SEMA6D: variants seen among roughly 807,000 people sequenced by gnomAD.
SEMA6D encodes the protein semaphorin 6D, also known as semaphorin-6D.
In SEMA6D, 35 loss-of-function variants were observed where a neutral mutation model predicts 106.6. The observed-to-expected ratio is 0.33, with a 90% confidence interval of 0.25 to 0.44. SEMA6D has a LOEUF of 0.44. Among genes scored for constraint, SEMA6D ranks in the 20% least tolerant of loss-of-function variants. SEMA6D has a pLI of 1.00. For missense variants in SEMA6D, 1,185 were observed against 1,345.9 expected, an observed-to-expected ratio of 0.88 and a Z score of 1.87; for synonymous variants, 499 against 487.7, an observed-to-expected ratio of 1.02 and a Z score of -0.31.
intron 1 of SEMA6D, among the ~76,000 whole-genome samples, chr15:47,301,145 C>T (rs1246534050): frequency 6.6e-6 from 1 of 152,216 alleles, no homozygotes; most frequent in Non-Finnish European, 1.5e-5. Flanking sequence ...ATTGCTGTCT[C>T]TTTCTAGGCC....
rs58271041 is a variant in SEMA6D, at chr15:47,254,875, T to TTGTGTGTGTGTGTGTGTGTGTG, written c.-239+70477_-239+70498dup. Among the ~76,000 whole-genome samples the TTGTGTGTGTGTGTGTGTGTGTG allele has an allele frequency of 6.7e-5, 9 of 134,306 alleles. No homozygotes were observed. The South Asian group carries it at 7.6e-4, about 11-fold the overall frequency. 88.1% of individuals were successfully genotyped at this position (134,306 alleles called of 152,430 possible). A position where few individuals can be genotyped will look rare whatever the true frequency, so the allele number is the denominator to read the frequency against. On this transcript the variant is annotated intron_variant, in intron 1 of 19. Coordinates refer to the SEMA6D transcript ENST00000558014. The stretch of plus-strand genomic sequence containing the variant: ...TCATCAGGGATATTGACCTGTGGTT[T>TTGTGTGTGTGTGTGTGTGTGTG]TGTGTGTGTGTGTGTGTGTGTGTGT...
At chr15:47,653,897 C>T (rs144289178) in intron 4 of SEMA6D, among the ~76,000 whole-genome samples, 27 of 152,284 alleles carry the variant, frequency 1.8e-4, no homozygotes, top group African/African-American at 6.5e-4. Flanking sequence ...AATGCAATGC[C>T]TCATTAGTAT....
chr15:47,674,143 C>T (rs1490758947), intron 4 of SEMA6D, among the ~76,000 whole-genome samples: 1 of 152,166 alleles, frequency 6.6e-6, no homozygotes, highest in East Asian at 1.9e-4. Context: ...CCCCAGACCC[C>T]CTTGGGTCTG....
At chr15:47,341,803 T>G (rs623549) in intron 1 of SEMA6D, among the ~76,000 whole-genome samples, 1 of 151,868 alleles carries the variant, frequency 6.6e-6, no homozygotes, top group African/African-American at 2.4e-5. Context: ...CTTTCAGACT[T>G]GTGATATTCC....
chr15:47,764,584 A>G, intron 11 of SEMA6D, 54 bp from the exon 12 acceptor site: 1 of 1,601,936 alleles, frequency 6.2e-7, no homozygotes, highest in Non-Finnish European at 8.5e-7. Context: ...TAGATACAGT[A>G]CATGGTGTGG....
chr15:47,518,303 T>A (rs1467730955), intron 3 of SEMA6D, among the ~76,000 whole-genome samples: 1 of 152,214 alleles, frequency 6.6e-6, no homozygotes, highest in Non-Finnish European at 1.5e-5. Flanking sequence ...ATCTAAGTGG[T>A]GAAATACAGG....
chr15:47,560,793 T>C (rs895614894), intron 3 of SEMA6D, among the ~76,000 whole-genome samples: 2 of 152,020 alleles, frequency 1.3e-5, no homozygotes, highest in African/African-American at 4.8e-5. Flanking sequence ...TGTGTCCTTA[T>C]AAAAGGGGGA....
In SEMA6D at chr15:47,638,754, G is replaced by A. The variant is rs778196071; in HGVS notation, c.-55+37858G>A. Reference sequence around the variant, plus strand: ...GGCGCTTCCTCTCTGCTCTCCCTCCGCATTTCTCGCTTTTGTCTAAACCGA... The same window carrying A: ...GGCGCTTCCTCTCTGCTCTCCCTCCACATTTCTCGCTTTTGTCTAAACCGA... On this transcript the variant is annotated intron_variant, in intron 4 of 19. Coordinates refer to the SEMA6D transcript ENST00000558014. Among the ~76,000 whole-genome samples the A allele has an allele frequency of 6.6e-5, 10 of 152,146 alleles. 1 individual carries two copies. Among genetic ancestry groups the A allele is most frequent in the Non-Finnish European group, 1.0e-4 (7 of 68,028 alleles).
At chr15:47,657,402 C>T in intron 4 of SEMA6D, among the ~76,000 whole-genome samples, 1 of 152,084 alleles carries the variant, frequency 6.6e-6, no homozygotes, top group African/African-American at 2.4e-5. Flanking sequence ...CTCGTTTCTA[C>T]TCATTTTTAG....
At chr15:47,737,572 T>G (rs1382987171) in intron 1 of SEMA6D, among the ~76,000 whole-genome samples, 1 of 152,184 alleles carries the variant, frequency 6.6e-6, no homozygotes, top group Non-Finnish European at 1.5e-5. Context: ...TTTTTTTCCT[T>G]CCTAGTATTG....
chr15:47,460,585 A>C (rs145214755), intron 2 of SEMA6D, among the ~76,000 whole-genome samples: 189 of 152,226 alleles, frequency 1.2e-3, no homozygotes, highest in African/African-American at 4.4e-3. Flanking sequence ...GCTGGAAATC[A>C]GTGATTCATT....
intron 1 of SEMA6D, among the ~76,000 whole-genome samples, chr15:47,208,356 A>G (rs1595742558): frequency 6.6e-6 from 1 of 152,306 alleles, no homozygotes; most frequent in East Asian, 1.9e-4. Flanking sequence ...AGGAAAATAC[A>G]GGTGAGATAT....
At chr15:47,287,088 T>G (rs2035399427) in intron 1 of SEMA6D, among the ~76,000 whole-genome samples, 1 of 152,076 alleles carries the variant, frequency 6.6e-6, no homozygotes, top group South Asian at 2.1e-4. Flanking sequence ...TAGGGAAACG[T>G]GTAATTTTAG....
At chr15:47,493,709 T>G (rs1444592831) in intron 3 of SEMA6D, among the ~76,000 whole-genome samples, 1 of 152,156 alleles carries the variant, frequency 6.6e-6, no homozygotes, top group Non-Finnish European at 1.5e-5. Flanking sequence ...GGAGGTAAAA[T>G]TACTACAATC....
At chr15:47,270,988 A>G (rs2034535430) in intron 1 of SEMA6D, among the ~76,000 whole-genome samples, 1 of 152,188 alleles carries the variant, frequency 6.6e-6, no homozygotes, top group Non-Finnish European at 1.5e-5. Context: ...CAGACATCTA[A>G]TACCTCACTC....
At chr15:47,392,841 G>T (rs989507286) in intron 1 of SEMA6D, among the ~76,000 whole-genome samples, 1 of 152,160 alleles carries the variant, frequency 6.6e-6, no homozygotes, top group African/African-American at 2.4e-5. Context: ...GAAAACAAAG[G>T]CTTCCAATGA....
At chr15:47,480,081 C>A (rs911842389) in intron 3 of SEMA6D, among the ~76,000 whole-genome samples, 77 of 151,278 alleles carry the variant, frequency 5.1e-4, no homozygotes, top group African/African-American at 1.8e-3. Flanking sequence ...TAGTCTTGAA[C>A]CCCTGTGCTC....
chr15:47,217,760 TA>T (rs199533433), intron 1 of SEMA6D, among the ~76,000 whole-genome samples: 25 of 151,666 alleles, frequency 1.6e-4, no homozygotes, highest in African/African-American at 5.3e-4. Flanking sequence ...TTAAATATAT[TA>T]AAAATATATA....
intron 1 of SEMA6D, among the ~76,000 whole-genome samples, chr15:47,720,421 G>C (rs1390960711): frequency 1.3e-5 from 2 of 150,720 alleles, no homozygotes; most frequent in African/African-American, 4.9e-5. Flanking sequence ...TTTTTCTTTT[G>C]GTGCCCTCTA....
Sources: allele counts gnomAD v4.1 joint callset (sites outside exome capture counted in the v4.1 genomes callset), GRCh38; gene constraint gnomAD v4.1.1; transcripts MANE v1.5; gene names NCBI Gene and HGNC (gene_info 2026-07-23, HGNC 2026-07-21).